Variants in ANK3 observed in about 807,000 individuals in gnomAD.
ANK3 encodes the protein ankyrin 3.
In ANK3, 57 loss-of-function variants were observed where a neutral mutation model predicts 370.9. The observed-to-expected ratio is 0.15, with a 90% CI of 0.12 to 0.19. The LOEUF (loss-of-function observed/expected upper bound fraction) is 0.19. Among genes scored for constraint, ANK3 ranks in the 10% least tolerant of loss-of-function variants. The pLI is 1.00. For synonymous variants in ANK3, 1,929 were observed against 1,946.3 expected (o/e 0.99, Z 0.23); for missense variants, 4,439 against 5,302.1 (o/e 0.84, Z 5.06).
At chr10:60,217,057 G>A (rs964575228) in intron 8 of ANK3, among the ~76,000 whole-genome samples, 3 of 152,194 alleles carry the variant, frequency 2.0e-5, no homozygotes, top group East Asian at 3.9e-4. Context: ...TTCCATAAAG[G>A]TGTTTATAGT....
At chr10:60,114,503 G>A (rs2092946686) in intron 25 of ANK3, among the ~76,000 whole-genome samples, 172 bp from the exon 26 acceptor site, 1 of 152,078 alleles carries the variant, frequency 6.6e-6, no homozygotes, top group African/African-American at 2.4e-5. Context: ...TGTAATGTTA[G>A]AAAACAAAGT....
intron 4 of ANK3, among the ~76,000 whole-genome samples, chr10:60,272,477 C>G (rs1475145568): frequency 3.1e-5 from 2 of 64,790 alleles, no homozygotes; most frequent in East Asian, 4.0e-4. Context: ...TGTTGTTGTT[C>G]TTGTTTGTTT....
chr10:60,314,522 T>C (rs1471247), intron 1 of ANK3, among the ~76,000 whole-genome samples: 86,567 of 151,990 alleles, frequency 0.57, 25,347 homozygotes, highest in South Asian at 0.77. Context: ...GGCACACTTC[T>C]GGGAATCTGT....
intron 2 of ANK3, among the ~76,000 whole-genome samples, chr10:60,586,900 G>T (rs754631052): frequency 6.6e-6 from 1 of 152,202 alleles, no homozygotes; most frequent in Admixed American, 6.5e-5. Flanking sequence ...AAGATAAAAG[G>T]CTTCTGGGTC....
chr10:60,543,726 A>C (rs2076901520), intron 2 of ANK3, among the ~76,000 whole-genome samples: 1 of 151,940 alleles, frequency 6.6e-6, no homozygotes, highest in African/African-American at 2.4e-5. Flanking sequence ...TTAATCTAAA[A>C]TTTTCAATCA....
chr10:60,466,449 G>A (rs2065013612), intron 2 of ANK3, among the ~76,000 whole-genome samples: 1 of 152,148 alleles, frequency 6.6e-6, no homozygotes, highest in Admixed American at 6.6e-5. Flanking sequence ...CTATTGTAAT[G>A]ATATAAGAAG....
At chr10:60,208,275 T>A in intron 9 of ANK3, 42 bp from the exon 10 acceptor site, 1 of 1,571,250 alleles carries the variant, frequency 6.4e-7, no homozygotes, top group South Asian at 1.1e-5. Context: ...TTTTACCTTT[T>A]AAACACAAAT....
At chr10:60,225,239 T>C (rs1374726771) in intron 8 of ANK3, among the ~76,000 whole-genome samples, 4 of 152,132 alleles carry the variant, frequency 2.6e-5, no homozygotes, top group African/African-American at 9.7e-5. Flanking sequence ...ATTGGCATTT[T>C]CACCAAAAAT....
At chr10:60,372,752 G>T (rs2060274165) in intron 1 of ANK3, among the ~76,000 whole-genome samples, 1 of 152,080 alleles carries the variant, frequency 6.6e-6, no homozygotes, top group South Asian at 2.1e-4. Context: ...GCCTCTTTGG[G>T]AATTTTCCAT....
At chr10:60,682,162 A>C (rs2079204483) in intron 1 of ANK3, among the ~76,000 whole-genome samples, 2 of 152,110 alleles carry the variant, frequency 1.3e-5, no homozygotes, top group African/African-American at 4.8e-5. Flanking sequence ...AAAACAAAAT[A>C]ATTATTAGCA....
intron 1 of ANK3, among the ~76,000 whole-genome samples, chr10:60,368,643 T>C (rs891021886): frequency 1.3e-5 from 2 of 152,172 alleles, no homozygotes; most frequent in African/African-American, 4.8e-5. Context: ...AGAAAATTAC[T>C]TGAAATATTT....
intron 2 of ANK3, among the ~76,000 whole-genome samples, chr10:60,545,529 G>GA (rs1028329101): frequency 4.7e-5 from 7 of 150,524 alleles, no homozygotes; most frequent in South Asian, 2.1e-4. Context: ...TATAAAACTT[G>GA]AAAAAAAAAT....
chr10:60,674,331 G>A (rs533285844), intron 1 of ANK3, among the ~76,000 whole-genome samples: 2 of 152,286 alleles, frequency 1.3e-5, no homozygotes, highest in Admixed American at 1.3e-4. Context: ...GGCTGTACAG[G>A]AAGCATGGTG....
intron 1 of ANK3, among the ~76,000 whole-genome samples, chr10:60,315,990 G>A (rs1389823762): frequency 1.3e-5 from 2 of 152,128 alleles, no homozygotes; most frequent in African/African-American, 2.4e-5. Context: ...AATTGCAATG[G>A]AAATAATCAC....
chr10:60,442,721 A>G (rs1410354973), intron 2 of ANK3, among the ~76,000 whole-genome samples: 1 of 152,230 alleles, frequency 6.6e-6, no homozygotes, highest in East Asian at 1.9e-4. Flanking sequence ...TCTTCATTCA[A>G]TCATTACTGC....
intron 38 of ANK3, among the ~76,000 whole-genome samples, chr10:60,065,735 A>G (rs1184595109): frequency 1.3e-5 from 2 of 152,238 alleles, no homozygotes; most frequent in Non-Finnish European, 2.9e-5. Flanking sequence ...TCCCCGGAAC[A>G]GAATTTAGCC....
In ANK3 at chr10:60,667,402, T is replaced by G. The variant is rs551817204; in HGVS notation, c.58-52178A>C. Among the ~76,000 whole-genome samples, 7 of 151,996 alleles carry G rather than the reference T, an allele frequency of 4.6e-5. No individual in the cohort carries two copies. The South Asian group carries it at 8.3e-4, about 18-fold the overall frequency. Reference sequence around the variant, plus strand: ...AATAAAGAAAACCAAAAATGTGTTATAGACATTGAAATAAAAAACTAACAC... The same window carrying G: ...AATAAAGAAAACCAAAAATGTGTTAGAGACATTGAAATAAAAAACTAACAC... On this transcript the variant is annotated intron_variant, in intron 1 of 43. Coordinates refer to the ANK3 transcript ENST00000373827.
At position 60,055,946 on chromosome 10, in the gene ANK3, T is replaced by C; in HGVS notation, c.12777A>G (p.Pro4259=). The C allele has an allele frequency of 6.2e-7, 1 of 1,614,180 alleles. No individual in the cohort carries two copies. The highest frequency in any genetic ancestry group is 8.5e-7 in the Non-Finnish European group (1 of 1,180,040). Residue 4259 remains proline (P), a synonymous_variant, in exon 42 of 44, where the codon CCA becomes CCG. Coordinates refer to ENST00000280772, the MANE Select transcript of ANK3 (RefSeq NM_020987.5). Reference sequence around the variant, plus strand: ...GAAAGTAAGATTTTGTCTTTGCTTCTGGAGTGATTTCTGTATGGCTTCCAT... The same window carrying C: ...GAAAGTAAGATTTTGTCTTTGCTTCCGGAGTGATTTCTGTATGGCTTCCAT... ...EANGSHTEIT[P]EAKTKSYFPE... is the part of the protein sequence containing the mutation.
chr10:60,498,352 G>A (rs1241556609), intron 2 of ANK3, among the ~76,000 whole-genome samples: 1 of 152,140 alleles, frequency 6.6e-6, no homozygotes, highest in Non-Finnish European at 1.5e-5. Flanking sequence ...CTTCAAGCTT[G>A]AAGTTAGCTT....
Sources: allele counts gnomAD v4.1 joint callset (sites outside exome capture counted in the v4.1 genomes callset), GRCh38; gene constraint gnomAD v4.1.1; transcripts MANE v1.5; gene names NCBI Gene and HGNC (gene_info 2026-07-23, HGNC 2026-07-21).